The following IL1RAPL2 variants were observed in gnomAD, a reference collection of about 807,000 sequenced individuals.
IL1RAPL2 encodes interleukin 1 receptor accessory protein like 2.
A neutral mutation model predicts 44.1 loss-of-function variants in IL1RAPL2; 3 were observed. The ratio of observed to expected loss-of-function variants is 0.07; its 90% CI spans 0.03 to 0.18. The LOEUF is 0.18. Ranked by LOEUF, IL1RAPL2 falls within the 10% of genes least tolerant of loss-of-function variation. The pLI, the probability that IL1RAPL2 is intolerant of heterozygous loss-of-function variation, is 1.00. For synonymous variants in IL1RAPL2, 181 were observed against 178.8 expected, an observed-to-expected ratio of 1.01 and a Z score of -0.10; for missense variants, 391 against 496.4, an observed-to-expected ratio of 0.79 and a Z score of 2.02.
chrX:105,002,639 C>T (rs937387631), intron 2 of IL1RAPL2, among the ~76,000 whole-genome samples: 4 of 110,678 alleles, frequency 3.6e-5, no homozygotes, highest in African/African-American at 1.3e-4. Context: ...ACAATACCTT[C>T]CTTCCTAGAA....
intron 6 of IL1RAPL2, among the ~76,000 whole-genome samples, chrX:105,555,677 C>T (rs1248927190): frequency 8.9e-6 from 1 of 112,163 alleles, no homozygotes; most frequent in African/African-American, 3.2e-5. Context: ...CTCCAAGTGT[C>T]TTGCAATGTC....
At chrX:104,664,931 A>G (rs1322206516) in intron 2 of IL1RAPL2, among the ~76,000 whole-genome samples, 1 of 111,143 alleles carries the variant, frequency 9.0e-6, no homozygotes, top group Non-Finnish European at 1.9e-5. Flanking sequence ...AAACCACTAC[A>G]AGCAACAAAC....
intron 2 of IL1RAPL2, among the ~76,000 whole-genome samples, chrX:105,183,437 C>G (rs1250166234): frequency 9.0e-6 from 1 of 111,687 alleles, no homozygotes; most frequent in African/African-American, 3.3e-5. Flanking sequence ...TCAATGGCAG[C>G]ATCCCCAGGC....
chrX:104,895,575 C>T (rs1294551119), intron 2 of IL1RAPL2, among the ~76,000 whole-genome samples: 4 of 112,626 alleles, frequency 3.6e-5, no homozygotes, highest in Non-Finnish European at 7.5e-5. Flanking sequence ...GGCATGGGAC[C>T]CTCTGAGCCA....
rs182677165 is a variant in IL1RAPL2, at chrX:105,025,103, C to T, written c.83-170372C>T. ...TCTTTTAAGATACCTTTTTTTGTTC[C>T]TGCTTAGAACTATTATCAGTTTCAC... On this transcript the variant is annotated intron_variant, in intron 2 of 10. Transcript: ENST00000372582. Among the ~76,000 whole-genome samples the T allele has an allele frequency of 7.3e-5, 8 of 109,886 alleles. No individual in the cohort carries two copies. The East Asian group carries it at 2.3e-3, about 31-fold the overall frequency.
intron 2 of IL1RAPL2, among the ~76,000 whole-genome samples, chrX:105,017,440 G>A (rs1253988751): frequency 1.8e-5 from 2 of 111,448 alleles, no homozygotes; most frequent in Non-Finnish European, 3.8e-5. Context: ...ACTTATGCAA[G>A]TGAGTCAGAT....
At chrX:104,828,973 C>T (rs1233578826) in intron 2 of IL1RAPL2, among the ~76,000 whole-genome samples, 2 of 112,345 alleles carry the variant, frequency 1.8e-5, no homozygotes, top group East Asian at 5.7e-4. Flanking sequence ...GCAGACGCCC[C>T]TCCCCCAACC....
intron 5 of IL1RAPL2, among the ~76,000 whole-genome samples, chrX:105,470,079 G>A (rs765777899): frequency 2.4e-3 from 266 of 111,339 alleles, no homozygotes; most frequent in African/African-American, 7.3e-3. Context: ...AAGTGGTCCT[G>A]TAGATATTCT....
At chrX:104,780,796 T>C (rs1391719276) in intron 2 of IL1RAPL2, among the ~76,000 whole-genome samples, 1 of 111,834 alleles carries the variant, frequency 8.9e-6, no homozygotes. Context: ...ATCTTCCAGG[T>C]ATTTTGGAAA....
At position 105,182,123 on chromosome X, in the gene IL1RAPL2, G is replaced by T. The variant is rs1456275260; in HGVS notation, c.83-13352G>T. 4.6e-5 allele frequency among the ~76,000 whole-genome samples: 5 copies of T among 109,827 alleles called. No individual in the cohort carries two copies. In the Admixed American group the frequency reaches 4.8e-4, roughly 11 times the overall value. On this transcript the variant is annotated intron_variant, in intron 2 of 10. Coordinates refer to ENST00000372582, the MANE Select transcript of IL1RAPL2 (RefSeq NM_017416.2). Reference sequence around the variant, plus strand: ...GTATATTCTGCAGGTGTTAGATAAAGTCATCTGTAAATGTTTGTTAGATCC... The same window carrying T: ...GTATATTCTGCAGGTGTTAGATAAATTCATCTGTAAATGTTTGTTAGATCC...
intron 6 of IL1RAPL2, among the ~76,000 whole-genome samples, chrX:105,591,054 G>A (rs975453694): frequency 2.7e-5 from 3 of 109,824 alleles, no homozygotes; most frequent in African/African-American, 1.0e-4. Context: ...GACTTTCTCT[G>A]GTTGTTAGGC....
intron 4 of IL1RAPL2, among the ~76,000 whole-genome samples, chrX:105,260,007 C>T (rs187898891): frequency 8.9e-6 from 1 of 112,387 alleles, no homozygotes; most frequent in Non-Finnish European, 1.9e-5. Flanking sequence ...GGCAGCCTGC[C>T]TCTCCCTCCG....
At chrX:104,670,115 G>A (rs765313762) in intron 2 of IL1RAPL2, among the ~76,000 whole-genome samples, 13 of 111,409 alleles carry the variant, frequency 1.2e-4, no homozygotes, top group South Asian at 7.7e-4. Context: ...GAAGTCCCAC[G>A]ATAGGCCATC....
chrX:105,361,611 A>G (rs1395521988), intron 5 of IL1RAPL2, among the ~76,000 whole-genome samples: 1 of 111,102 alleles, frequency 9.0e-6, no homozygotes, highest in Non-Finnish European at 1.9e-5. Context: ...TAGCTCTGAG[A>G]TTTCTAGAAA....
chrX:105,362,689 C>T (rs1349170964), intron 5 of IL1RAPL2, among the ~76,000 whole-genome samples: 1 of 110,731 alleles, frequency 9.0e-6, no homozygotes, highest in Non-Finnish European at 1.9e-5. Context: ...GGCAGGCTAT[C>T]AGTAAAAAAG....
intron 2 of IL1RAPL2, among the ~76,000 whole-genome samples, chrX:104,826,181 C>T (rs772829141): frequency 3.0e-4 from 34 of 111,494 alleles, no homozygotes; most frequent in Non-Finnish European, 4.9e-4. Context: ...TTTGCTCTTG[C>T]TTCTCTAGTT....
At chrX:105,476,815 C>T (rs976599262) in intron 5 of IL1RAPL2, among the ~76,000 whole-genome samples, 1 of 111,958 alleles carries the variant, frequency 8.9e-6, no homozygotes, top group South Asian at 3.7e-4. Context: ...AAGATTCACT[C>T]ATAGTAATGC....
At chrX:105,357,683 A>G (rs1047645226) in intron 5 of IL1RAPL2, among the ~76,000 whole-genome samples, 3 of 109,065 alleles carry the variant, frequency 2.8e-5, no homozygotes, top group African/African-American at 3.5e-5. Flanking sequence ...CTAAAAGAAG[A>G]TATGGATATA....
At chrX:105,114,151 A>G (rs979623893) in intron 2 of IL1RAPL2, among the ~76,000 whole-genome samples, 2 of 111,593 alleles carry the variant, frequency 1.8e-5, no homozygotes, top group African/African-American at 6.5e-5. Flanking sequence ...GCCCTCATGA[A>G]TAGGATTGGT....
Sources: gnomAD v4.1 joint callset for allele counts (sites outside exome capture counted in the v4.1 genomes callset) on GRCh38, gnomAD v4.1.1 for gene constraint, MANE v1.5 for transcripts, NCBI Gene and HGNC (gene_info 2026-07-23, HGNC 2026-07-21) for gene names.